WHRN: variants seen among roughly 807,000 people sequenced by gnomAD.
WHRN encodes CASK-interacting protein CIP98.
Under a neutral mutation model 68.3 loss-of-function variants are expected in WHRN, and 41 were observed. That is an observed-to-expected ratio of 0.60 (90% CI 0.47 to 0.78). WHRN has a LOEUF of 0.78. Among genes scored for constraint, WHRN ranks in the 30% least tolerant of loss-of-function variants. The pLI is 0.00. For missense variants in WHRN, 1,243 were observed against 1,244.7 expected (o/e 1.00, Z 0.02); for synonymous variants, 560 against 561.3 (o/e 1.00, Z 0.03).
At chr9:114,478,811 G>T in intron 1 of WHRN, 40 bp from the exon 2 acceptor site, 1 of 1,578,622 alleles carries the variant, frequency 6.3e-7, no homozygotes, top group Non-Finnish European at 8.6e-7. Context: ...GAAGGGAGGT[G>T]CCGGGGGTGT....
chr9:114,444,144 G>A (rs904594919), intron 3 of WHRN, among the ~76,000 whole-genome samples: 2 of 152,096 alleles, frequency 1.3e-5, no homozygotes, highest in South Asian at 2.1e-4. Context: ...ATTAACTCCC[G>A]TACCCCATCT....
In WHRN at chr9:114,478,921, A is replaced by G. The variant is rs370850721; in HGVS notation, c.619-150T>C. ...AGTCCCTTTCCTTCTCTAGCCCTCGATTTTGTCCTGTGAAAACAAGAACAT... is the reference window on the plus strand; with the variant it reads ...AGTCCCTTTCCTTCTCTAGCCCTCGGTTTTGTCCTGTGAAAACAAGAACAT... On this transcript the variant is annotated intron_variant, in intron 1 of 11. Coordinates refer to ENST00000362057, the MANE Select transcript of WHRN (RefSeq NM_015404.4). 2.9e-5 allele frequency: 22 copies of G among 761,088 alleles called. No individual in the cohort carries two copies. The African/African-American group carries it at 3.4e-4, about 12-fold the overall frequency. 47.1% of individuals were successfully genotyped at this position (761,088 alleles called of 1,614,324 possible).
intron 9 of WHRN, among the ~76,000 whole-genome samples, 176 bp from the exon 10 acceptor site, chr9:114,404,253 T>C (rs1245919021): frequency 6.6e-6 from 1 of 152,180 alleles, no homozygotes; most frequent in Non-Finnish European, 1.5e-5. Flanking sequence ...TGCCACCCTC[T>C]CCACCTACTC....
At chr9:114,486,959 G>GTGTA (rs1842577923) in intron 1 of WHRN, among the ~76,000 whole-genome samples, 1 of 5,030 alleles carries the variant, frequency 2.0e-4, no homozygotes, top group African/African-American at 2.4e-4. Context: ...GTGTGTGTGT[G>GTGTA]TATATATATA....
At chr9:114,480,020 G>C (rs187647258) in intron 1 of WHRN, among the ~76,000 whole-genome samples, 77 of 152,254 alleles carry the variant, frequency 5.1e-4, no homozygotes, top group African/African-American at 1.7e-3. Flanking sequence ...CTGAGATCGT[G>C]CCACTGCACT....
At chr9:114,503,986 T>C (rs180850196) in intron 1 of WHRN, among the ~76,000 whole-genome samples, 198 bp downstream of exon 1, 7 of 152,220 alleles carry the variant, frequency 4.6e-5, no homozygotes, top group Admixed American at 4.6e-4. Flanking sequence ...GGGCCATGTC[T>C]GTGCAGAACT....
At chr9:114,498,077 C>A (rs1367607317) in intron 1 of WHRN, among the ~76,000 whole-genome samples, 1 of 152,174 alleles carries the variant, frequency 6.6e-6, no homozygotes, top group African/African-American at 2.4e-5. Context: ...CTCTCAGGAG[C>A]TGGGGAATTC....
chr9:114,478,432 G>A (rs1841831714), intron 2 of WHRN, 121 bp downstream of exon 2: 2 of 1,101,376 alleles, frequency 1.8e-6, no homozygotes, highest in Non-Finnish European at 2.8e-6. Flanking sequence ...CAGACTTGAG[G>A]GAAGACAGAG....
rs1444255548 is a variant in WHRN at position 114,478,566 on chromosome 9, C to T, written c.824G>A (p.Gly275Glu). The T allele has an allele frequency of 1.2e-6, 2 of 1,614,100 alleles. No homozygotes were observed. The highest frequency in any genetic ancestry group is 1.1e-5 in the South Asian group (1 of 91,084). ...CACCCCACTCACCTTTTTCTCATCC[C>T]CTCCTTGCAGGAGGTGCAGGGTGCT... ...RRSTLHLLQG[G>E]DEKKVNLVLG... Residue 275 changes from glycine (G) to glutamate (E), a missense_variant, in exon 2 of 12, where the codon GGG (glycine) becomes GAG (glutamate). Physicochemically the swap from Gly to Glu is moderately conservative, Grantham distance 98 (BLOSUM62 -2). Transcript: ENST00000362057.
chr9:114,406,067 G>A (rs1835000784), intron 9 of WHRN, among the ~76,000 whole-genome samples: 1 of 152,240 alleles, frequency 6.6e-6, no homozygotes, highest in Non-Finnish European at 1.5e-5. Flanking sequence ...AGGGTAGGGG[G>A]AGCTGGAGAA....
chr9:114,430,210 A>T (rs1837291521), intron 3 of WHRN, among the ~76,000 whole-genome samples: 1 of 152,124 alleles, frequency 6.6e-6, no homozygotes, highest in African/African-American at 2.4e-5. Context: ...GAGGGGAGGG[A>T]ACAACTCAAT....
intron 2 of WHRN, among the ~76,000 whole-genome samples, chr9:114,478,146 G>T (rs887078970): frequency 2.6e-5 from 4 of 151,800 alleles, no homozygotes; most frequent in African/African-American, 9.7e-5. Context: ...TATTCAGCCA[G>T]GCATGGTGGT....
At chr9:114,429,077 C>A (rs1184615243) in intron 3 of WHRN, among the ~76,000 whole-genome samples, 1 of 152,128 alleles carries the variant, frequency 6.6e-6, no homozygotes, top group Non-Finnish European at 1.5e-5. Context: ...ACTACAGGTG[C>A]ACACCACCAC....
intron 7 of WHRN, among the ~76,000 whole-genome samples, chr9:114,417,270 C>T (rs9987709): frequency 0.065 from 9,912 of 152,212 alleles, 364 homozygotes; most frequent in African/African-American, 0.11. Context: ...CAGCATGATC[C>T]GAGGAATTCA....
At chr9:114,447,864 T>C (rs77606800) in intron 3 of WHRN, among the ~76,000 whole-genome samples, 2,036 of 152,270 alleles carry the variant, frequency 0.013, 61 homozygotes, top group African/African-American at 0.047. Context: ...AGGCACTCTC[T>C]TATAGCTGCT....
chr9:114,461,772 T>G (rs4979403), intron 3 of WHRN, among the ~76,000 whole-genome samples: 116,138 of 152,188 alleles, frequency 0.76, 44,518 homozygotes, highest in East Asian at 0.97. Context: ...CAAGACCAGG[T>G]TTGGTCTCCC....
intron 1 of WHRN, among the ~76,000 whole-genome samples, chr9:114,479,510 A>C (rs1319362136): frequency 6.6e-6 from 1 of 152,216 alleles, no homozygotes; most frequent in African/African-American, 2.4e-5. Context: ...TTTCTAGAGA[A>C]TCACTGAACC....
At chr9:114,486,885 A>AGT (rs142516414) in intron 1 of WHRN, among the ~76,000 whole-genome samples, 34,198 of 73,056 alleles carry the variant, frequency 0.47, 6,355 homozygotes, top group Non-Finnish European at 0.58. Flanking sequence ...TGATTAAATT[A>AGT]GTGTGTGTGT....
chr9:114,489,479 C>T lies in WHRN; in HGVS notation c.619-10708G>A, dbSNP rs148728594. Among the ~76,000 whole-genome samples the T allele has an allele frequency of 3.9e-3, 549 of 142,020 alleles. 18 individuals carry two copies. In the East Asian group the frequency reaches 0.09, roughly 23 times the overall value. The allele number at this position is 142,020 out of a possible 152,430, so 93.2% of individuals were successfully genotyped here. ...ACACACACATACACACACACACACA[C>T]GCACACACACGTACACACACACACG... On this transcript the variant is annotated intron_variant, in intron 1 of 11. Transcript: ENST00000362057.
Sources: allele counts gnomAD v4.1 joint callset (sites outside exome capture counted in the v4.1 genomes callset), GRCh38; gene constraint gnomAD v4.1.1; transcripts MANE v1.5; gene names NCBI Gene and HGNC (gene_info 2026-07-23, HGNC 2026-07-21).